EHF: variants seen among roughly 807,000 people sequenced by gnomAD.
The protein encoded by EHF is ESE3 transcription factor.
In EHF, 14 loss-of-function variants were observed where a neutral mutation model predicts 45.1. The observed-to-expected ratio is 0.31, with a 90% confidence interval of 0.21 to 0.49. The LOEUF (loss-of-function observed/expected upper bound fraction) is 0.49. Among genes scored for constraint, EHF ranks in the 20% least tolerant of loss-of-function variants. The pLI, the probability that EHF is intolerant of heterozygous loss-of-function variation, is 0.99. For missense variants in EHF, 282 were observed against 371.4 expected, an observed-to-expected ratio of 0.76 and a Z score of 1.98; for synonymous variants, 136 against 131.8, an observed-to-expected ratio of 1.03 and a Z score of -0.22.
intron 4 of EHF, 36 bp from the exon 5 acceptor site, chr11:34,651,506 A>T (rs201988979): frequency 0.3 from 473,884 of 1,573,058 alleles, 74,266 homozygotes; most frequent in East Asian, 0.5. Context: ...TGGGGAAAAG[A>T]GATCGCTGAC....
chr11:34,647,328 C>A (rs1170403362), intron 3 of EHF, among the ~76,000 whole-genome samples: 1 of 152,168 alleles, frequency 6.6e-6, no homozygotes, highest in Admixed American at 6.5e-5. Context: ...TGCCCTAATG[C>A]CCCAGATGTC....
At chr11:34,643,831 C>A (rs1007602085) in intron 2 of EHF, among the ~76,000 whole-genome samples, 1 of 152,144 alleles carries the variant, frequency 6.6e-6, no homozygotes, top group Non-Finnish European at 1.5e-5. Flanking sequence ...CCTGGCCTCT[C>A]GATGAAGGCA....
At chr11:34,639,143 C>A (rs1367860175) in intron 1 of EHF, among the ~76,000 whole-genome samples, 1 of 152,190 alleles carries the variant, frequency 6.6e-6, no homozygotes. Context: ...GGTTAACGTG[C>A]TCAAGGTCAC....
intron 1 of EHF, chr11:34,631,755 G>A (rs1476383332): frequency 6.1e-6 from 1 of 163,908 alleles, no homozygotes; most frequent in African/African-American, 2.4e-5. Context: ...CTGAGATCTG[G>A]GTACACTGAG....
chr11:34,646,584 C>G lies in EHF; in HGVS notation c.243C>G (p.Asn81Lys). 1 of 1,613,532 alleles carries G rather than the reference C, an allele frequency of 6.2e-7. No individual in the cohort carries two copies. Among genetic ancestry groups the G allele is most frequent in the Non-Finnish European group, 8.5e-7 (1 of 1,179,732 alleles). The stretch of plus-strand genomic sequence containing the variant: ...TCCCTTTCCAAGAGTTCGACATCAA[C>G]GGCGAGCACCTCTGCAGCATGAGTT... ...NCIPFQEFDI[N>K]GEHLCSMSLQ... The change falls in exon 3 of 9, where the codon AAC becomes AAG. Residue 81 changes from asparagine to lysine, a missense_variant. Transcript: ENST00000257831.
chr11:34,624,248 C>T, intron 1 of EHF: 2 of 985,342 alleles, frequency 2.0e-6, no homozygotes, highest in Non-Finnish European at 2.4e-6. Context: ...GCCTGGGTGT[C>T]TAGAGACCAC....
At chr11:34,654,567 G>A (rs148157589) in intron 6 of EHF, among the ~76,000 whole-genome samples, 2 of 152,142 alleles carry the variant, frequency 1.3e-5, no homozygotes, top group African/African-American at 4.8e-5. Context: ...AAAAAAGAAC[G>A]TTCCTAGCTG....
At chr11:34,633,869 G>A (rs1853136335) in intron 1 of EHF, among the ~76,000 whole-genome samples, 1 of 152,088 alleles carries the variant, frequency 6.6e-6, no homozygotes, top group African/African-American at 2.4e-5. Flanking sequence ...CACCAAGACT[G>A]ATAAAGATCA....
At chr11:34,632,321 G>C in intron 1 of EHF, 1 of 552,596 alleles carries the variant, frequency 1.8e-6, no homozygotes, top group Non-Finnish European at 3.0e-6. Context: ...CCTCTGGGAG[G>C]TATTCAGAAG....
intron 7 of EHF, 30 bp downstream of exon 7, chr11:34,657,000 G>T: frequency 6.2e-7 from 1 of 1,612,052 alleles, no homozygotes; most frequent in Admixed American, 1.7e-5. Flanking sequence ...GATGGCCTTT[G>T]GTCCTTCCCA....
intron 1 of EHF, among the ~76,000 whole-genome samples, chr11:34,638,294 C>A (rs1282308001): frequency 6.6e-6 from 1 of 152,210 alleles, no homozygotes; most frequent in African/African-American, 2.4e-5. Flanking sequence ...ACAATCTCCC[C>A]AGAATACATA....
intron 1 of EHF, among the ~76,000 whole-genome samples, chr11:34,635,145 A>C (rs1853261928): frequency 6.6e-6 from 1 of 152,116 alleles, no homozygotes; most frequent in Non-Finnish European, 1.5e-5. Context: ...ACTATAATAT[A>C]GTTATTATTA....
At position 34,651,480 on chromosome 11, in the gene EHF, C is replaced by T. The variant is rs192696084; in HGVS notation, c.407-62C>T. 1.1e-4 allele frequency: 150 copies of T among 1,408,502 alleles called. No individual in the cohort carries two copies. The African/African-American group carries it at 1.3e-3, about 12-fold the overall frequency. 87.3% of individuals were successfully genotyped at this position (1,408,502 alleles called of 1,614,324 possible). A position where few individuals can be genotyped will look rare whatever the true frequency, so the allele number is the denominator to read the frequency against. ...TGTTGATGAACAATGAATTAGAAAACGCAGCCTCTTCTCCCTGGGGAAAAG... is the reference window on the plus strand; with the variant it reads ...TGTTGATGAACAATGAATTAGAAAATGCAGCCTCTTCTCCCTGGGGAAAAG... On this transcript the variant is annotated intron_variant, in intron 4 of 8. Coordinates refer to ENST00000257831, the MANE Select transcript of EHF (RefSeq NM_012153.6).
intron 1 of EHF, among the ~76,000 whole-genome samples, chr11:34,640,824 C>T (rs1224646609): frequency 1.3e-5 from 2 of 152,186 alleles, no homozygotes; most frequent in African/African-American, 4.8e-5. Flanking sequence ...ATTTCTGGTT[C>T]AGGCTATCCA....
intron 2 of EHF, among the ~76,000 whole-genome samples, chr11:34,644,149 C>CT (rs1379239818): frequency 6.6e-6 from 1 of 152,212 alleles, no homozygotes; most frequent in East Asian, 1.9e-4. Context: ...CAGGGACTAT[C>CT]TTTTAATCTA....
chr11:34,637,231 T>G (rs951884401), intron 1 of EHF, among the ~76,000 whole-genome samples: 1 of 152,030 alleles, frequency 6.6e-6, no homozygotes, highest in Non-Finnish European at 1.5e-5. Flanking sequence ...GACCAAGTGC[T>G]CTGTTCCCCC....
intron 6 of EHF, among the ~76,000 whole-genome samples, chr11:34,652,935 T>C (rs1296766189): frequency 1.3e-5 from 2 of 152,226 alleles, no homozygotes; most frequent in Non-Finnish European, 2.9e-5. Flanking sequence ...TATGTGTCAC[T>C]TGAGGTATTT....
At chr11:34,651,649 T>G (rs751736697) in intron 5 of EHF, 39 bp downstream of exon 5, 5 of 1,609,322 alleles carry the variant, frequency 3.1e-6, no homozygotes, top group Middle Eastern at 1.7e-4. Flanking sequence ...TTTACATTCT[T>G]ATTCAGTTTG....
rs777923116 is a variant in EHF at position 34,651,523 on chromosome 11, CCTT to C, written c.407-16_407-14del. ...GGGAAAAGAGATCGCTGACTATTCT[CCTT>C]CTCTATTTTTTGTAGAGCCTTCCAT... On this transcript the variant is annotated splice_polypyrimidine_tract_variant and intron_variant, in intron 4 of 8. Transcript: ENST00000257831. 1.6e-5 allele frequency: 25 copies of C among 1,606,448 alleles called. No individual in the cohort carries two copies. In the East Asian group the frequency reaches 4.7e-4, roughly 30 times the overall value.
Sources: gnomAD v4.1 joint callset for allele counts (sites outside exome capture counted in the v4.1 genomes callset) on GRCh38, gnomAD v4.1.1 for gene constraint, MANE v1.5 for transcripts, NCBI Gene and HGNC (gene_info 2026-07-23, HGNC 2026-07-21) for gene names.